DHX38: variants seen among roughly 807,000 people sequenced by gnomAD.
The protein encoded by DHX38 is DEAH-box helicase 38, also known as pre-mRNA-splicing factor ATP-dependent RNA helicase PRP16.
DHX38 carries 100 observed loss-of-function variants against 153.1 expected under a neutral mutation model. The ratio of observed to expected loss-of-function variants is 0.65; its 90% CI spans 0.56 to 0.77. The LOEUF is 0.77. Among genes scored for constraint, DHX38 ranks in the 30% least tolerant of loss-of-function variants. The pLI, the probability that DHX38 is intolerant of heterozygous loss-of-function variation, is 0.00. For synonymous variants in DHX38, 650 were observed against 631.7 expected (o/e 1.03, Z -0.43); for missense variants, 1,440 against 1,654.0 (o/e 0.87, Z 2.24).
chr16:72,104,759 G>C lies in DHX38; in HGVS notation c.2151+133G>C, dbSNP rs2042150172. On this transcript the variant is annotated intron_variant, in intron 15 of 26. Coordinates refer to ENST00000268482, the MANE Select transcript of DHX38 (RefSeq NM_014003.4). The surrounding 1 kb of genome is among the most constrained non-coding windows in gnomAD (Gnocchi z 4.5). ...TTCCTGGGGACCATGGGGCAAATGG[G>C]GCAGCCTGCAGCTCTGGGACTCGGG... 11 of 1,302,840 alleles carry C rather than the reference G, an allele frequency of 8.4e-6. No homozygotes were observed. Among genetic ancestry groups the C allele is most frequent in the Non-Finnish European group, 1.2e-5 (11 of 930,940 alleles). 80.7% of individuals were successfully genotyped at this position (1,302,840 alleles called of 1,614,324 possible).
chr16:72,110,336 A>G (rs2042240634), intron 25 of DHX38, among the ~76,000 whole-genome samples: 1 of 152,222 alleles, frequency 6.6e-6, no homozygotes, highest in Non-Finnish European at 1.5e-5. Flanking sequence ...TGTGGCAGAG[A>G]TGCCTGCATG....
Position 72,101,161 on chromosome 16 carries a change from C to T in DHX38, c.1354C>T (p.Arg452Trp), listed in dbSNP as rs146195196. ...IIARKGSQTV[R>W]KHREQKERKK... ...TGCTCGGAAAGGCAGCCAGACAGTG[C>T]GGAAGCACAGGGAGCAGAAGGAGCG... Residue 452 changes from arginine (R) to tryptophan (W), a missense_variant, in exon 10 of 27, where the codon CGG (arginine) becomes TGG (tryptophan). Arg to Trp is a moderately radical substitution (Grantham distance 101). Transcript: ENST00000268482. 17 of 1,614,260 alleles carry T rather than the reference C, an allele frequency of 1.1e-5. No individual in the cohort carries two copies. The highest frequency in any genetic ancestry group is 4.5e-5 in the East Asian group (2 of 44,892).
intron 3 of DHX38, 55 bp from the exon 4 acceptor site, chr16:72,097,622 T>C: frequency 3.9e-6 from 6 of 1,536,126 alleles, no homozygotes; most frequent in Non-Finnish European, 5.4e-6. Context: ...AGGGTGAAGA[T>C]GTGTATACCT....
In DHX38 at chr16:72,100,476, G is replaced by C; in HGVS notation, c.1157G>C (p.Gly386Ala). The C allele has an allele frequency of 6.2e-7, 1 of 1,614,190 alleles. No individual in the cohort carries two copies. Among genetic ancestry groups the C allele is most frequent in the Non-Finnish European group, 8.5e-7 (1 of 1,180,016 alleles). The change falls in exon 9 of 27, where the codon GGG becomes GCG. Residue 386 changes from glycine (G) to alanine (A), a missense_variant. Around this residue, in one of 6 missense-constraint regions of DHX38, gnomAD observed 77 missense variants for 125.4 expected, o/e 0.61. Coordinates refer to ENST00000268482, the MANE Select transcript of DHX38 (RefSeq NM_014003.4). ...RWETNRMLTS[G>A]VVHRLEVDED... ...GAGACAAACCGCATGCTCACCAGTG[G>C]GGTGGTCCATCGGCTGGAGGTGGAT...
intron 26 of DHX38, chr16:72,112,031 A>G (rs781285369): frequency 8.5e-6 from 2 of 235,372 alleles, no homozygotes; most frequent in Non-Finnish European, 8.5e-6. Flanking sequence ...GCCCCCATGA[A>G]TAGCAGACAC....
Position 72,096,337 on chromosome 16 carries a change from A to C in DHX38, c.180A>C (p.Arg60Ser). ...ACTTGCTGGCTTCCCTGAAACGGAG[A>C]GAGCGAGAGGAGAAGGACGATGGGG... ...GLDLLASLKR[R>S]EREEKDDGED... The change falls in exon 2 of 27, where the codon AGA becomes AGC. Residue 60 changes from arginine to serine, a missense_variant. By Grantham distance (110) the Arg-to-Ser change is moderately radical (BLOSUM62 -1). Coordinates refer to ENST00000268482, the MANE Select transcript of DHX38 (RefSeq NM_014003.4). The C allele has an allele frequency of 1.2e-6, 2 of 1,614,174 alleles. No individual in the cohort carries two copies. The highest frequency in any genetic ancestry group is 4.5e-5 in the East Asian group (2 of 44,872).
chr16:72,099,051 G>T lies in DHX38; in HGVS notation c.883+6G>T. The T allele has an allele frequency of 6.2e-7, 1 of 1,612,220 alleles. No homozygotes were observed. The highest frequency in any genetic ancestry group is 8.5e-7 in the Non-Finnish European group (1 of 1,179,832). On this transcript the variant is annotated splice_donor_region_variant and intron_variant, in intron 6 of 26. Transcript: ENST00000268482. ...GCGTCTGTCCAGGGGCCGAGGTGAGGCCTGTGGGGCAGCAGGCAGAAGAGC... is the reference window on the plus strand; with the variant it reads ...GCGTCTGTCCAGGGGCCGAGGTGAGTCCTGTGGGGCAGCAGGCAGAAGAGC...
chr16:72,097,875 G>C, intron 4 of DHX38, 94 bp downstream of exon 4: 1 of 1,216,584 alleles, frequency 8.2e-7, no homozygotes, highest in Non-Finnish European at 1.2e-6. Context: ...GAGGCATTGA[G>C]TCAGAATTCC....
intron 26 of DHX38, 122 bp downstream of exon 26, chr16:72,111,199 C>G (rs2042251710): frequency 1.4e-6 from 2 of 1,379,598 alleles, no homozygotes; most frequent in Admixed American, 3.0e-5. Context: ...AAACTGGTGA[C>G]AGAAGTTGCT....
rs954063306 is a variant in DHX38, at chr16:72,107,517, G to C, written c.2778G>C (p.Gln926His). The change falls in exon 20 of 27, where the codon CAG becomes CAC. Residue 926 changes from glutamine to histidine, a missense_variant. By Grantham distance (24) the Gln-to-His change is conservative. This residue lies in a region of DHX38 where 543 missense variants were observed against 717.9 expected (regional missense o/e 0.76). Coordinates refer to ENST00000268482, the MANE Select transcript of DHX38 (RefSeq NM_014003.4). This position sits in a 1 kb window ranked among gnomAD's most constrained non-coding sequence, Gnocchi z 5.3. ...PEDNMLNSMY[Q>H]LWILGALDNT... ...ACAACATGCTCAACTCTATGTATCA[G>C]CTCTGGATCCTCGGGGCCCTGGACA... 5.0e-6 allele frequency: 8 copies of C among 1,613,988 alleles called. No individual in the cohort carries two copies. Among genetic ancestry groups the C allele is most frequent in the Non-Finnish European group, 5.9e-6 (7 of 1,179,964 alleles).
In DHX38 at chr16:72,100,301, T is replaced by C. The variant is rs2042082593; in HGVS notation, c.1117-135T>C. 3 of 1,199,922 alleles carry C rather than the reference T, an allele frequency of 2.5e-6. No individual in the cohort carries two copies. The South Asian group carries it at 4.5e-5, about 18-fold the overall frequency. 74.3% of individuals were successfully genotyped at this position (1,199,922 alleles called of 1,614,324 possible). On this transcript the variant is annotated intron_variant, in intron 8 of 26. Coordinates refer to ENST00000268482, the MANE Select transcript of DHX38 (RefSeq NM_014003.4). The stretch of plus-strand genomic sequence containing the variant: ...AGCACCTCTTCTGTCTTTGGAGCTG[T>C]GGGTAGAGGCCTGTGACATCTTTGC...
Position 72,103,621 on chromosome 16 carries a change from G to T in DHX38, c.1657G>T (p.Val553Leu). The change falls in exon 13 of 27, where the codon GTG becomes TTG. Residue 553 changes from valine to leucine, a missense_variant. By Grantham distance (32) the Val-to-Leu change is conservative. Transcript: ENST00000268482. Reference protein sequence around the residue: ...TIIRDNSIVIVVGETGSGKTT... With the variant: ...TIIRDNSIVILVGETGSGKTT... ...TTGTAGAGACAACAGCATCGTGATC[G>T]TGGTTGGGGAGACGGGGAGTGGTAA... is the stretch of plus-strand genomic sequence containing the variant. 1 of 1,609,616 alleles carries T rather than the reference G, an allele frequency of 6.2e-7. No homozygotes were observed. Among genetic ancestry groups the T allele is most frequent in the Non-Finnish European group, 8.5e-7 (1 of 1,176,134 alleles).
Position 72,097,796 on chromosome 16 carries a change from T to G in DHX38, c.616+15T>G. The G allele has an allele frequency of 1.9e-6, 3 of 1,608,522 alleles. No individual in the cohort carries two copies. Among genetic ancestry groups the G allele is most frequent in the Non-Finnish European group, 2.5e-6 (3 of 1,176,914 alleles). ...TCGACCTAAAGGTAGACTCACTGTT[T>G]TGGTGGCTTGTGAGGATTCAAGTGT... On this transcript the variant is annotated intron_variant, in intron 4 of 26. Coordinates refer to ENST00000268482, the MANE Select transcript of DHX38 (RefSeq NM_014003.4).
In DHX38 at chr16:72,111,029, G is replaced by T; in HGVS notation, c.3551G>T (p.Arg1184Leu). The change falls in exon 26 of 27, where the codon CGA becomes CTA. Residue 1184 changes from arginine (R) to leucine (L), a missense_variant. Coordinates refer to ENST00000268482, the MANE Select transcript of DHX38 (RefSeq NM_014003.4). ...EEMALAEEQL[R>L]ARRQEQEKRS... ...ATGGCGCTGGCCGAGGAGCAGCTGCGAGCCCGGCGGCAGGAGCAGGAGAAG... is the reference window on the plus strand; with the variant it reads ...ATGGCGCTGGCCGAGGAGCAGCTGCTAGCCCGGCGGCAGGAGCAGGAGAAG... 3 of 1,581,030 alleles carry T rather than the reference G, an allele frequency of 1.9e-6. No individual in the cohort carries two copies. Among genetic ancestry groups the T allele is most frequent in the Non-Finnish European group, 2.6e-6 (3 of 1,163,540 alleles).
rs148299509 is a variant in DHX38 at position 72,096,260 on chromosome 16, G to A, written c.103G>A (p.Glu35Lys). The change falls in exon 2 of 27, where the codon GAG (glutamate) becomes AAG (lysine). Residue 35 changes from glutamate (E) to lysine (K), a missense_variant. Around this residue, in one of 6 missense-constraint regions of DHX38, gnomAD observed 483 missense variants for 465.1 expected, o/e 1.04. Transcript: ENST00000268482. ...TTGCAAGTCCAAAAGTGCGGCCAGC[G>A]AGCAGCATGTCTTCAAGGCTCCTGC... is the stretch of plus-strand genomic sequence containing the variant. ...LICKSKSAAS[E>K]QHVFKAPAPR... The A allele has an allele frequency of 8.7e-6, 14 of 1,614,048 alleles. No individual in the cohort carries two copies. The highest frequency in any genetic ancestry group is 8.0e-5 in the African/African-American group (6 of 74,926).
At position 72,112,819 on chromosome 16, in the gene DHX38, A is replaced by G. The variant is rs2042276072; in HGVS notation, c.*322A>G. On this transcript the variant is annotated 3_prime_UTR_variant, in exon 27 of 27. Transcript: ENST00000268482. ...GACTTGGCTGTGGCTGTCTTTTTTA[A>G]TCCTTGTGTAAAGCAGCAAAAAAGA... The G allele has an allele frequency of 1.4e-6, 1 of 702,662 alleles. No individual in the cohort carries two copies. Among genetic ancestry groups the G allele is most frequent in the Non-Finnish European group, 2.6e-6 (1 of 384,852 alleles). The allele number at this position is 702,662 out of a possible 1,614,324, so 43.5% of individuals were successfully genotyped here.
chr16:72,100,497 T>A lies in DHX38; in HGVS notation c.1178T>A (p.Val393Glu). The A allele has an allele frequency of 6.2e-7, 1 of 1,610,926 alleles. No individual in the cohort carries two copies. Among genetic ancestry groups the A allele is most frequent in the Non-Finnish European group, 8.5e-7 (1 of 1,178,816 alleles). Residue 393 changes from valine (V) to glutamate (E), a missense_variant, in exon 9 of 27, where the codon GTG becomes GAG. Physicochemically the swap from Val to Glu is moderately radical, Grantham distance 121. Transcript: ENST00000268482. ...LTSGVVHRLEVDEDFEEDNAA... is the reference protein window; with the variant it reads ...LTSGVVHRLEEDEDFEEDNAA... Reference sequence around the variant, plus strand: ...AGTGGGGTGGTCCATCGGCTGGAGGTGGATGAGGACTTTGAAGAGGACAAC... The same window carrying A: ...AGTGGGGTGGTCCATCGGCTGGAGGAGGATGAGGACTTTGAAGAGGACAAC...
intron 18 of DHX38, 117 bp downstream of exon 18, chr16:72,105,741 T>A: frequency 1.0e-6 from 1 of 990,980 alleles, no homozygotes; most frequent in South Asian, 1.4e-5. Context: ...GTGGAAGTGG[T>A]GGTGGTGGTG....
rs2042018173 is a variant in DHX38, at chr16:72,096,358, T to C, written c.201T>C (p.Asp67=). Residue 67 remains aspartate, a synonymous_variant, in exon 2 of 27, where the codon GAT becomes GAC. Coordinates refer to ENST00000268482, the MANE Select transcript of DHX38 (RefSeq NM_014003.4). ...GGAGAGAGCGAGAGGAGAAGGACGA[T>C]GGGGAGGACAAGAAGAAGTCCAAAG... ...LKRREREEKD[D]GEDKKKSKVS... 2 of 1,614,074 alleles carry C rather than the reference T, an allele frequency of 1.2e-6. No homozygotes were observed. The highest frequency in any genetic ancestry group is 1.3e-5 in the African/African-American group (1 of 74,988).
Sources: allele counts gnomAD v4.1 joint callset (sites outside exome capture counted in the v4.1 genomes callset), GRCh38; gene constraint gnomAD v4.1.1; regional missense constraint gnomAD v4.1.1; non-coding constraint Gnocchi (gnomAD v3.1); transcripts MANE v1.5; gene names NCBI Gene and HGNC (gene_info 2026-07-23, HGNC 2026-07-21).